Variants in SPIN1 observed in about 807,000 individuals in gnomAD.
SPIN1 encodes spindlin-1.
A neutral mutation model predicts 26.0 loss-of-function variants in SPIN1; 3 were observed. That is an observed-to-expected ratio of 0.12 (90% CI 0.05 to 0.30). The LOEUF is 0.30. SPIN1 is among the 10% of genes least tolerant of loss of function. The pLI is 1.00. For missense variants in SPIN1, 126 were observed against 333.4 expected, an observed-to-expected ratio of 0.38 and a Z score of 4.84; for synonymous variants, 101 against 116.5, an observed-to-expected ratio of 0.87 and a Z score of 0.86.
chr9:88,464,691 G>GT (rs1325753361), intron 4 of SPIN1, among the ~76,000 whole-genome samples: 1 of 152,060 alleles, frequency 6.6e-6, no homozygotes, highest in Non-Finnish European at 1.5e-5. Flanking sequence ...GCAGTGCATG[G>GT]TACCACATCA....
In SPIN1 at chr9:88,436,998, C is replaced by G. The variant is rs370783135; in HGVS notation, c.52+10407C>G. Among the ~76,000 whole-genome samples, 555 of 151,934 alleles carry G rather than the reference C, an allele frequency of 3.7e-3. 2 individuals carry two copies. Among genetic ancestry groups the G allele is most frequent in the African/African-American group, 0.013 (519 of 41,482 alleles). On this transcript the variant is annotated intron_variant, in intron 2 of 5. Transcript: ENST00000375859. ...GCCGGGATGGTCTCGATCTCCTGAC[C>G]TCGTGATCCGCCCGCCTCGGCCTCC...
At chr9:88,408,238 C>G (rs749728295) in intron 1 of SPIN1, among the ~76,000 whole-genome samples, 2 of 151,694 alleles carry the variant, frequency 1.3e-5, no homozygotes, top group Non-Finnish European at 1.5e-5. Flanking sequence ...AGTTGACAGG[C>G]AATTTCTGCT....
At chr9:88,419,505 T>C (rs1827632876) in intron 1 of SPIN1, among the ~76,000 whole-genome samples, 1 of 152,140 alleles carries the variant, frequency 6.6e-6, no homozygotes, top group South Asian at 2.1e-4. Context: ...ATTGCCTTGC[T>C]GAGAAGAAAA....
intron 5 of SPIN1, among the ~76,000 whole-genome samples, chr9:88,473,257 G>A (rs1179290205): frequency 7.2e-6 from 1 of 139,180 alleles, no homozygotes; most frequent in Non-Finnish European, 1.5e-5. Flanking sequence ...GCCAAGTGTG[G>A]TGGAGGGCGC....
Position 88,457,873 on chromosome 9 carries a change from C to A in SPIN1, c.102-4623C>A. The A allele has an allele frequency of 6.1e-6, 6 of 984,830 alleles. No individual in the cohort carries two copies. The South Asian group carries it at 2.3e-4, about 39-fold the overall frequency. The allele number at this position is 984,830 out of a possible 1,614,324, so 61.0% of individuals were successfully genotyped here. A position where few individuals can be genotyped will look rare whatever the true frequency, so the allele number is the denominator to read the frequency against. On this transcript the variant is annotated intron_variant, in intron 3 of 5. Transcript: ENST00000375859. ...AGCAACCAAAAAACCTTTCTTGTTT[C>A]TAAATTAAAAAGTTACTAAGATAGT... is the stretch of plus-strand genomic sequence containing the variant.
chr9:88,419,842 G>T lies in SPIN1; in HGVS notation c.-158-6540G>T, dbSNP rs1827638161. On this transcript the variant is annotated intron_variant, in intron 1 of 5. Transcript: ENST00000375859. ...TCTAAATGGAGCCACTCATGCTGAG[G>T]TTCCAGACTACCAAACTGAGGTGTT... 2.0e-5 allele frequency among the ~76,000 whole-genome samples: 3 copies of T among 152,170 alleles called. No individual in the cohort carries two copies. The South Asian group carries it at 6.2e-4, about 32-fold the overall frequency.
chr9:88,391,002 C>T (rs1365233818), intron 1 of SPIN1, among the ~76,000 whole-genome samples: 2 of 152,100 alleles, frequency 1.3e-5, no homozygotes, highest in Non-Finnish European at 2.9e-5. Flanking sequence ...ATGCTCTTGC[C>T]AAACTACCCA....
intron 5 of SPIN1, among the ~76,000 whole-genome samples, chr9:88,474,714 TTTTG>T (rs1373993144): frequency 6.6e-6 from 1 of 152,128 alleles, no homozygotes; most frequent in Non-Finnish European, 1.5e-5. Context: ...CCAAAGAAAT[TTTTG>T]GTTATGATTT....
At position 88,433,868 on chromosome 9, in the gene SPIN1, CTG is replaced by C. The variant is rs762043598; in HGVS notation, c.52+7280_52+7281del. The stretch of plus-strand genomic sequence containing the variant: ...AATGTCATCCATAAGTTCTTGGAAA[CTG>C]TGACTTCAAGGAAAACAAAACCAGT... On this transcript the variant is annotated intron_variant, in intron 2 of 5. Coordinates refer to ENST00000375859, the MANE Select transcript of SPIN1 (RefSeq NM_006717.3). Among the ~76,000 whole-genome samples, 32 of 151,548 alleles carry C rather than the reference CTG, an allele frequency of 2.1e-4. 1 individual carries two copies. The South Asian group carries it at 3.3e-3, about 16-fold the overall frequency.
At chr9:88,445,295 C>CT (rs1828223216) in intron 2 of SPIN1, among the ~76,000 whole-genome samples, 1 of 151,992 alleles carries the variant, frequency 6.6e-6, no homozygotes, top group Non-Finnish European at 1.5e-5. Context: ...CTTGCTCCTG[C>CT]TTCCTGTCTG....
intron 3 of SPIN1, among the ~76,000 whole-genome samples, chr9:88,460,436 C>T (rs1309993566): frequency 6.6e-6 from 1 of 152,104 alleles, no homozygotes; most frequent in Non-Finnish European, 1.5e-5. Context: ...GATACATGTT[C>T]TTACGTTAGG....
At chr9:88,451,546 C>T (rs1205779381) in intron 3 of SPIN1, among the ~76,000 whole-genome samples, 3 of 151,986 alleles carry the variant, frequency 2.0e-5, no homozygotes, top group Admixed American at 6.6e-5. Flanking sequence ...ATTAAAAGTA[C>T]GTCTGTTTTT....
intron 1 of SPIN1, among the ~76,000 whole-genome samples, chr9:88,389,707 C>T (rs984781331): frequency 6.6e-6 from 1 of 152,172 alleles, no homozygotes; most frequent in African/African-American, 2.4e-5. Context: ...GATTACCTGT[C>T]TTAACTTTTT....
intron 2 of SPIN1, among the ~76,000 whole-genome samples, chr9:88,429,042 T>G (rs759605176): frequency 2.1e-4 from 32 of 152,102 alleles, no homozygotes; most frequent in Non-Finnish European, 4.0e-4. Context: ...CCTGGCTAAT[T>G]TTTTTGTAGA....
rs892507483 is a variant in SPIN1, at chr9:88,475,673, C to T, written c.*396C>T. ...TTTTTTGAGATGTATGTATCTGTAT[C>T]TACCTATATCTATATGTGTGTATAC... On this transcript the variant is annotated 3_prime_UTR_variant, in exon 6 of 6. Coordinates refer to ENST00000375859, the MANE Select transcript of SPIN1 (RefSeq NM_006717.3). 1 of 187,232 alleles carries T rather than the reference C, an allele frequency of 5.3e-6. No individual in the cohort carries two copies. Among genetic ancestry groups the T allele is most frequent in the Non-Finnish European group, 1.1e-5 (1 of 88,344 alleles). 11.6% of individuals were successfully genotyped at this position (187,232 alleles called of 1,614,324 possible).
At chr9:88,463,426 G>T (rs1828608409) in intron 4 of SPIN1, among the ~76,000 whole-genome samples, 1 of 152,102 alleles carries the variant, frequency 6.6e-6, no homozygotes, top group Non-Finnish European at 1.5e-5. Context: ...CAGTGATGCT[G>T]CTCTTGTTTA....
chr9:88,459,060 C>A (rs1173840728), intron 3 of SPIN1, among the ~76,000 whole-genome samples: 1 of 151,750 alleles, frequency 6.6e-6, no homozygotes, highest in Non-Finnish European at 1.5e-5. Context: ...GCTGTATTTG[C>A]TTATAATTTT....
intron 2 of SPIN1, among the ~76,000 whole-genome samples, chr9:88,427,640 C>T (rs1247901219): frequency 2.0e-5 from 3 of 151,146 alleles, no homozygotes; most frequent in Non-Finnish European, 4.4e-5. Context: ...GAGTCTCGCT[C>T]TGTCACCCAG....
At chr9:88,445,208 C>A (rs928187271) in intron 2 of SPIN1, among the ~76,000 whole-genome samples, 2 of 151,888 alleles carry the variant, frequency 1.3e-5, no homozygotes, top group Admixed American at 1.3e-4. Flanking sequence ...ACTTTTCTTT[C>A]TTTTTTTTCT....
Sources: gnomAD v4.1 joint callset for allele counts (sites outside exome capture counted in the v4.1 genomes callset) on GRCh38, gnomAD v4.1.1 for gene constraint, MANE v1.5 for transcripts, NCBI Gene and HGNC (gene_info 2026-07-23, HGNC 2026-07-21) for gene names.